SCHIP1: variants seen among roughly 807,000 people sequenced by gnomAD.
SCHIP1 encodes schwannomin-interacting protein 1.
In SCHIP1, 8 loss-of-function variants were observed where a neutral mutation model predicts 29.7. The ratio of observed to expected loss-of-function variants is 0.27; its 90% confidence interval spans 0.16 to 0.49. The LOEUF (loss-of-function observed/expected upper bound fraction) is 0.49. Among genes scored for constraint, SCHIP1 ranks in the 20% least tolerant of loss-of-function variants. The probability of loss-of-function intolerance (pLI) is 0.99; values close to 1 mark genes in which losing one functional copy is unlikely to be tolerated. For missense variants in SCHIP1, 193 were observed against 294.6 expected, an observed-to-expected ratio of 0.66 and a Z score of 2.52; for synonymous variants, 76 against 94.9, an observed-to-expected ratio of 0.80 and a Z score of 1.16.
the SCHIP1 span, among the ~76,000 whole-genome samples, chr3:159,753,742 G>A: frequency 6.6e-6 from 1 of 152,156 alleles, no homozygotes; most frequent in Admixed American, 6.5e-5. Flanking sequence ...TTAGGATAAA[G>A]ATCTTAGTTG....
chr3:159,487,154 T>C, the SCHIP1 span, among the ~76,000 whole-genome samples: 2 of 152,132 alleles, frequency 1.3e-5, no homozygotes, highest in South Asian at 4.1e-4. Context: ...TATGGAGCAA[T>C]GTGGCTTTTC....
At chr3:159,844,470 T>C (rs898352896) in intron 1 of SCHIP1, among the ~76,000 whole-genome samples, 3 of 152,252 alleles carry the variant, frequency 2.0e-5, no homozygotes, top group Non-Finnish European at 4.4e-5. Context: ...ACAGGATTTA[T>C]GTTAGCAAAG....
intron 2 of SCHIP1, among the ~76,000 whole-genome samples, chr3:159,883,632 C>G (rs543206412): frequency 2.0e-5 from 3 of 152,104 alleles, no homozygotes; most frequent in African/African-American, 7.2e-5. Context: ...TTTAAGATGT[C>G]TTTACTAAAA....
At chr3:159,481,007 G>C in the SCHIP1 span, among the ~76,000 whole-genome samples, 2 of 152,152 alleles carry the variant, frequency 1.3e-5, no homozygotes, top group Non-Finnish European at 2.9e-5. Flanking sequence ...GTCACAAGGT[G>C]CTCAGTCAGG....
At chr3:159,860,618 A>G (rs1204763104) in intron 1 of SCHIP1, among the ~76,000 whole-genome samples, 2 of 152,218 alleles carry the variant, frequency 1.3e-5, no homozygotes, top group Non-Finnish European at 2.9e-5. Context: ...TTCAGTTCCC[A>G]TGGCAAAGAG....
At chr3:159,357,620 T>C in the SCHIP1 span, among the ~76,000 whole-genome samples, 1 of 152,218 alleles carries the variant, frequency 6.6e-6, no homozygotes, top group Non-Finnish European at 1.5e-5. Context: ...GAAACAAAGG[T>C]CCTTTATTCA....
chr3:159,796,921 C>T, the SCHIP1 span, among the ~76,000 whole-genome samples: 4 of 152,182 alleles, frequency 2.6e-5, no homozygotes, highest in South Asian at 8.3e-4. Flanking sequence ...TTGGTTAGAA[C>T]AAGGACTTAA....
chr3:159,543,221 T>G, the SCHIP1 span, among the ~76,000 whole-genome samples: 1 of 151,558 alleles, frequency 6.6e-6, no homozygotes, highest in African/African-American at 2.4e-5. Flanking sequence ...ATTTTATTAT[T>G]ATTATACTTT....
chr3:159,603,159 G>C, the SCHIP1 span, among the ~76,000 whole-genome samples: 2 of 152,016 alleles, frequency 1.3e-5, no homozygotes, highest in East Asian at 1.9e-4. Flanking sequence ...TATTATAAAG[G>C]GTATTACAAA....
the SCHIP1 span, among the ~76,000 whole-genome samples, chr3:159,476,094 A>G: frequency 3.3e-5 from 5 of 150,510 alleles, no homozygotes; most frequent in Admixed American, 2.0e-4. Flanking sequence ...ACTGAAAAGA[A>G]TCTTTGGTTG....
chr3:159,888,972 A>G, intron 5 of SCHIP1, 29 bp downstream of exon 6: 1 of 1,610,386 alleles, frequency 6.2e-7, no homozygotes, highest in Non-Finnish European at 8.5e-7. Flanking sequence ...TGAAAATAGG[A>G]TATTCAATGT....
chr3:159,488,736 T>C, the SCHIP1 span, among the ~76,000 whole-genome samples: 1 of 152,146 alleles, frequency 6.6e-6, no homozygotes, highest in Non-Finnish European at 1.5e-5. Flanking sequence ...GCCATCAAAG[T>C]GGAGATCAGG....
chr3:159,818,458 G>T, the SCHIP1 span, among the ~76,000 whole-genome samples: 4 of 152,228 alleles, frequency 2.6e-5, no homozygotes, highest in Non-Finnish European at 4.4e-5. Flanking sequence ...AATCACCTCA[G>T]CTTTGTGTCA....
At chr3:159,676,391 A>C in the SCHIP1 span, among the ~76,000 whole-genome samples, 16 of 152,230 alleles carry the variant, frequency 1.1e-4, no homozygotes, top group Admixed American at 1.0e-3. Context: ...TGGCTAATTA[A>C]ATTCATTGAG....
At chr3:159,713,228 GAAAGGAAGAAAGAAAGAA>G in the SCHIP1 span, among the ~76,000 whole-genome samples, 169 of 112,300 alleles carry the variant, frequency 1.5e-3, no homozygotes, top group Middle Eastern at 4.5e-3. Flanking sequence ...GAGAGAGAAA[GAAAGGAAGAAAGAAAGAA>G]AGAAAGAAAG....
At chr3:159,844,946 G>T (rs1219057502) in intron 1 of SCHIP1, among the ~76,000 whole-genome samples, 1 of 152,204 alleles carries the variant, frequency 6.6e-6, no homozygotes, top group Admixed American at 6.5e-5. Flanking sequence ...CCTCCCTTGG[G>T]AGCATAAAGA....
the SCHIP1 span, among the ~76,000 whole-genome samples, chr3:159,488,318 A>G: frequency 6.6e-6 from 1 of 152,184 alleles, no homozygotes; most frequent in African/African-American, 2.4e-5. Context: ...TTTTAAAATA[A>G]CGGAGAGTAT....
chr3:159,683,012 C>T, the SCHIP1 span, among the ~76,000 whole-genome samples: 1 of 152,104 alleles, frequency 6.6e-6, no homozygotes, highest in Non-Finnish European at 1.5e-5. Context: ...ATTCCTAAGC[C>T]CCATCTCAAA....
the SCHIP1 span, among the ~76,000 whole-genome samples, chr3:159,545,657 GAT>G: frequency 3.4e-5 from 5 of 145,466 alleles, no homozygotes; most frequent in Admixed American, 3.5e-4. Context: ...ATATATACAA[GAT>G]ATATATGTAT....
Sources: allele counts gnomAD v4.1 joint callset (sites outside exome capture counted in the v4.1 genomes callset), GRCh38; gene constraint gnomAD v4.1.1; transcripts MANE v1.5; gene names NCBI Gene and HGNC (gene_info 2026-07-23, HGNC 2026-07-21).